The following NFIB variants were observed in gnomAD, a reference collection of about 807,000 sequenced individuals.
NFIB encodes the protein nuclear factor I B, also known as nuclear factor 1 B-type.
A neutral mutation model predicts 61.5 loss-of-function variants in NFIB; 11 were observed. That is an observed-to-expected ratio of 0.18 (90% CI 0.11 to 0.30). NFIB has a LOEUF of 0.30. NFIB is among the 10% of genes least tolerant of loss of function. NFIB has a pLI of 1.00. For missense variants in NFIB, 471 were observed against 608.9 expected (o/e 0.77, Z 2.38); for synonymous variants, 260 against 216.5 (o/e 1.20, Z -1.76).
intron 10 of NFIB, among the ~76,000 whole-genome samples, chr9:14,094,737 T>C (rs1240850308): frequency 1.3e-5 from 2 of 152,250 alleles, no homozygotes; most frequent in East Asian, 3.9e-4. Flanking sequence ...GCAATAGGAC[T>C]TCACAGTAAT....
chr9:14,482,332 C>T, the NFIB span, among the ~76,000 whole-genome samples: 2 of 152,080 alleles, frequency 1.3e-5, no homozygotes, highest in Non-Finnish European at 2.9e-5. Context: ...GTCCTAAACC[C>T]ATTCTAATGG....
chr9:14,455,324 G>A, the NFIB span, among the ~76,000 whole-genome samples: 1 of 152,192 alleles, frequency 6.6e-6, no homozygotes, highest in African/African-American at 2.4e-5. Context: ...AAATATGTGT[G>A]ATATAACAAA....
chr9:14,151,967 T>A (rs944857347), intron 4 of NFIB, among the ~76,000 whole-genome samples: 3 of 152,062 alleles, frequency 2.0e-5, no homozygotes, highest in African/African-American at 7.2e-5. Context: ...TTACCCCTCA[T>A]TTTTAATGAA....
At chr9:14,184,303 GTT>G (rs1375977538) in intron 2 of NFIB, among the ~76,000 whole-genome samples, 1 of 152,174 alleles carries the variant, frequency 6.6e-6, no homozygotes, top group Non-Finnish European at 1.5e-5. Flanking sequence ...TTTTTCAGTA[GTT>G]TAAATGTTTC....
chr9:14,394,258 G>C (rs2061657364), intron 1 of NFIB, among the ~76,000 whole-genome samples: 1 of 152,174 alleles, frequency 6.6e-6, no homozygotes, highest in Non-Finnish European at 1.5e-5. Context: ...AGACACTCTA[G>C]TTGGACATAT....
At chr9:14,269,097 G>A (rs2057419080) in intron 2 of NFIB, among the ~76,000 whole-genome samples, 1 of 151,572 alleles carries the variant, frequency 6.6e-6, no homozygotes, top group Non-Finnish European at 1.5e-5. Flanking sequence ...TTTACTAACA[G>A]TGGCTCATGT....
At chr9:14,207,066 T>C (rs2049816533) in intron 2 of NFIB, among the ~76,000 whole-genome samples, 1 of 152,224 alleles carries the variant, frequency 6.6e-6, no homozygotes, top group Admixed American at 6.5e-5. Context: ...TTTGTTTACA[T>C]GTCCAATACT....
At chr9:14,224,300 T>C (rs1229908590) in intron 2 of NFIB, among the ~76,000 whole-genome samples, 1 of 152,178 alleles carries the variant, frequency 6.6e-6, no homozygotes, top group African/African-American at 2.4e-5. Context: ...GTAGAAACCA[T>C]ATATCCCTAA....
chr9:14,386,611 G>A (rs1208285058), intron 1 of NFIB, among the ~76,000 whole-genome samples: 1 of 47,260 alleles, frequency 2.1e-5, no homozygotes, highest in Non-Finnish European at 4.4e-5. Context: ...GCCTCTTAGG[G>A]GACAAAATCA....
At position 14,374,323 on chromosome 9, in the gene NFIB, G is replaced by T. The variant is rs141144941; in HGVS notation, c.108+24201C>A. Among the ~76,000 whole-genome samples, 188 of 152,198 alleles carry T rather than the reference G, an allele frequency of 1.2e-3. 3 individuals are homozygous for T. The East Asian group carries it at 0.027, about 22-fold the overall frequency. ...TATCTATAACCCAGTCTACATTTAG[G>T]GCCTGGGGACACATAATGGAGTTAT... is the stretch of plus-strand genomic sequence containing the variant. On this transcript the variant is annotated intron_variant, in intron 1 of 8. Transcript: ENST00000380934.
intron 2 of NFIB, among the ~76,000 whole-genome samples, chr9:14,216,546 CTGTGTGTGTGTG>C (rs372536644): frequency 2.3e-4 from 5 of 21,510 alleles, no homozygotes; most frequent in African/African-American, 7.4e-4. Flanking sequence ...CTCTCTCCCT[CTGTGTGTGTGTG>C]TGTGTGTGTG....
chr9:14,230,218 T>C (rs188396178), intron 2 of NFIB, among the ~76,000 whole-genome samples: 1 of 152,348 alleles, frequency 6.6e-6, no homozygotes, highest in East Asian at 1.9e-4. Context: ...AAGCCATTCA[T>C]TTATTAATTC....
the NFIB span, among the ~76,000 whole-genome samples, chr9:14,490,384 A>G: frequency 6.6e-6 from 1 of 152,226 alleles, no homozygotes; most frequent in Non-Finnish European, 1.5e-5. Context: ...ATGGGAAAAT[A>G]TCTTTCTGAT....
At chr9:14,394,047 T>C (rs2061654630) in intron 1 of NFIB, among the ~76,000 whole-genome samples, 1 of 152,238 alleles carries the variant, frequency 6.6e-6, no homozygotes, top group Admixed American at 6.5e-5. Context: ...TGTTTATGTA[T>C]TAACTTATCC....
chr9:14,154,669 TG>T (rs948221320), intron 4 of NFIB, among the ~76,000 whole-genome samples: 1 of 152,140 alleles, frequency 6.6e-6, no homozygotes, highest in Admixed American at 6.6e-5. Flanking sequence ...AGAAGTCTTT[TG>T]GGCATACATT....
intron 6 of NFIB, among the ~76,000 whole-genome samples, chr9:14,141,727 T>C (rs2041725808): frequency 6.6e-6 from 1 of 151,914 alleles, no homozygotes. Context: ...GCATAAAGTC[T>C]TTTTGAATTT....
intron 2 of NFIB, among the ~76,000 whole-genome samples, chr9:14,217,478 T>G (rs2051058076): frequency 6.6e-6 from 1 of 152,006 alleles, no homozygotes; most frequent in African/African-American, 2.4e-5. Flanking sequence ...CTGACCAACA[T>G]GGAGAAACCT....
chr9:14,182,899 G>T (rs887739754), intron 2 of NFIB, among the ~76,000 whole-genome samples: 2 of 151,948 alleles, frequency 1.3e-5, no homozygotes, highest in African/African-American at 4.8e-5. Flanking sequence ...ATCATTGCAA[G>T]ATTCTATCAC....
chr9:14,132,708 T>C (rs1292969155), intron 6 of NFIB, among the ~76,000 whole-genome samples: 1 of 152,012 alleles, frequency 6.6e-6, no homozygotes, highest in African/African-American at 2.4e-5. Flanking sequence ...GCTAGGACTA[T>C]GGGCACACGA....
Sources: allele counts gnomAD v4.1 joint callset (sites outside exome capture counted in the v4.1 genomes callset), GRCh38; gene constraint gnomAD v4.1.1; transcripts MANE v1.5; gene names NCBI Gene and HGNC (gene_info 2026-07-23, HGNC 2026-07-21).